MGAT4C: variants seen among roughly 807,000 people sequenced by gnomAD.
MGAT4C encodes the protein alpha-1,3-mannosyl-glycoprotein 4-beta-N-acetylglucosaminyltransferase C.
Under a neutral mutation model 40.1 loss-of-function variants are expected in MGAT4C, and 19 were observed. The ratio of observed to expected loss-of-function variants is 0.47; its 90% CI spans 0.33 to 0.70. The LOEUF is 0.70. MGAT4C is among the 30% of genes least tolerant of loss of function. MGAT4C has a pLI of 0.02. For synonymous variants in MGAT4C, 181 were observed against 187.1 expected (o/e 0.97, Z 0.27); for missense variants, 491 against 563.2 (o/e 0.87, Z 1.30).
intron 1 of MGAT4C, among the ~76,000 whole-genome samples, chr12:86,768,537 CA>C (rs1448938753): frequency 6.6e-6 from 1 of 151,368 alleles, no homozygotes; most frequent in Non-Finnish European, 1.5e-5. Context: ...CATATGGAAC[CA>C]AAAAAGAGCC....
intron 2 of MGAT4C, among the ~76,000 whole-genome samples, chr12:86,712,045 T>C (rs921163967): frequency 4.6e-5 from 7 of 152,184 alleles, no homozygotes; most frequent in African/African-American, 1.2e-4. Flanking sequence ...GTTAGATAAG[T>C]ACCTGCATAT....
chr12:86,600,021 G>C (rs936541972), intron 2 of MGAT4C, among the ~76,000 whole-genome samples: 1 of 152,042 alleles, frequency 6.6e-6, no homozygotes, highest in Admixed American at 6.6e-5. Flanking sequence ...TTTCACAGGT[G>C]ACAAGTTCCA....
At chr12:86,588,104 C>G (rs1456277319) in intron 2 of MGAT4C, among the ~76,000 whole-genome samples, 1 of 151,580 alleles carries the variant, frequency 6.6e-6, no homozygotes, top group Non-Finnish European at 1.5e-5. Context: ...ACAGCTCTTA[C>G]TATTTTGAGA....
intron 2 of MGAT4C, among the ~76,000 whole-genome samples, chr12:86,556,941 G>A (rs1052977887): frequency 4.0e-4 from 61 of 151,828 alleles, no homozygotes; most frequent in African/African-American, 1.4e-3. Flanking sequence ...ATTTTTTTAA[G>A]AAGAAAGCTA....
chr12:86,112,749 ATAGT>A (rs894581663), intron 1 of MGAT4C, among the ~76,000 whole-genome samples: 20 of 151,922 alleles, frequency 1.3e-4, no homozygotes, highest in East Asian at 5.8e-4. Context: ...GTCCTCTGAA[ATAGT>A]TAGGAGGAAA....
intron 2 of MGAT4C, among the ~76,000 whole-genome samples, chr12:86,541,986 T>G (rs1236580098): frequency 1.3e-5 from 2 of 152,222 alleles, no homozygotes; most frequent in African/African-American, 2.4e-5. Context: ...AAAATTAATA[T>G]TCTTTAACAA....
At position 86,722,879 on chromosome 12, in the gene MGAT4C, A is replaced by G. The variant is rs554130538; in HGVS notation, c.-229+4330T>C. ...ACTGGGTCCTTACTAGTTGGTATAC[A>G]TAAAATTGTCTGATACATTTTAGTA... On this transcript the variant is annotated intron_variant, in intron 2 of 7. Coordinates refer to the MGAT4C transcript ENST00000548651. 2.2e-4 allele frequency among the ~76,000 whole-genome samples: 34 copies of G among 152,298 alleles called. No homozygotes were observed. The Middle Eastern group carries it at 0.01, about 46-fold the overall frequency.
chr12:86,132,619 C>T (rs948116311), intron 1 of MGAT4C, among the ~76,000 whole-genome samples: 1 of 151,988 alleles, frequency 6.6e-6, no homozygotes, highest in Non-Finnish European at 1.5e-5. Context: ...CGATGAAACC[C>T]CGTCTCTACT....
At chr12:86,415,199 C>A (rs1171142526) in intron 3 of MGAT4C, among the ~76,000 whole-genome samples, 1 of 151,952 alleles carries the variant, frequency 6.6e-6, no homozygotes, top group Non-Finnish European at 1.5e-5. Context: ...CTCTGTACAT[C>A]AGCAAACCTG....
chr12:86,472,565 ATTG>A (rs1957771293), intron 2 of MGAT4C, among the ~76,000 whole-genome samples: 1 of 152,106 alleles, frequency 6.6e-6, no homozygotes, highest in Non-Finnish European at 1.5e-5. Context: ...TATATATATT[ATTG>A]TTGTGTTATA....
At chr12:86,631,207 G>A (rs1030860206) in intron 2 of MGAT4C, among the ~76,000 whole-genome samples, 6 of 152,034 alleles carry the variant, frequency 3.9e-5, no homozygotes, top group African/African-American at 7.2e-5. Flanking sequence ...AGGATGTGAA[G>A]GACCTCTTCA....
chr12:86,205,783 A>G (rs1325483446), intron 1 of MGAT4C, among the ~76,000 whole-genome samples: 4 of 152,026 alleles, frequency 2.6e-5, no homozygotes, highest in East Asian at 1.9e-4. Context: ...TCAGACTTCC[A>G]TAAGAATCAG....
At chr12:86,371,947 C>T (rs555883891) in intron 3 of MGAT4C, among the ~76,000 whole-genome samples, 316 of 151,784 alleles carry the variant, frequency 2.1e-3, no homozygotes, top group African/African-American at 6.6e-3. Context: ...CTGGAGGATA[C>T]TTCTACATTT....
At chr12:86,744,688 C>T (rs958996137) in intron 1 of MGAT4C, among the ~76,000 whole-genome samples, 1 of 151,404 alleles carries the variant, frequency 6.6e-6, no homozygotes, top group African/African-American at 2.4e-5. Flanking sequence ...AAATCCAGGA[C>T]ATTCTTAGCA....
chr12:85,992,212 C>T (rs933625683), intron 2 of MGAT4C, among the ~76,000 whole-genome samples: 2 of 152,210 alleles, frequency 1.3e-5, no homozygotes, highest in African/African-American at 2.4e-5. Flanking sequence ...GCTACCAGGA[C>T]TTAAGACATG....
rs1353996849 is a variant in MGAT4C, at chr12:86,740,828, A to T, written c.-261-13587T>A. ...TGAATGCACACAGTTCTTTAGTAAA[A>T]ATTATTGCATCCACTTTTTAAAAAG... On this transcript the variant is annotated intron_variant, in intron 1 of 7. Coordinates refer to the MGAT4C transcript ENST00000548651. Among the ~76,000 whole-genome samples, 8 of 151,342 alleles carry T rather than the reference A, an allele frequency of 5.3e-5. No homozygotes were observed. In the East Asian group the frequency reaches 1.4e-3, roughly 26 times the overall value.
intron 2 of MGAT4C, among the ~76,000 whole-genome samples, chr12:86,443,287 T>A (rs748297039): frequency 6.6e-6 from 1 of 152,060 alleles, no homozygotes. Context: ...ATTACACAGG[T>A]TTCTCAAACA....
At chr12:86,583,228 G>T (rs1960867075) in intron 2 of MGAT4C, among the ~76,000 whole-genome samples, 1 of 151,146 alleles carries the variant, frequency 6.6e-6, no homozygotes, top group Middle Eastern at 3.2e-3. Flanking sequence ...AGAAAACAAA[G>T]TAAAAGACCC....
intron 3 of MGAT4C, among the ~76,000 whole-genome samples, chr12:86,339,630 C>T (rs1463850110): frequency 6.6e-6 from 1 of 152,104 alleles, no homozygotes; most frequent in Non-Finnish European, 1.5e-5. Context: ...TTCTGAGAAA[C>T]TTCCATACAC....
Sources: gnomAD v4.1 joint callset for allele counts (sites outside exome capture counted in the v4.1 genomes callset) on GRCh38, gnomAD v4.1.1 for gene constraint, MANE v1.5 for transcripts, NCBI Gene and HGNC (gene_info 2026-07-23, HGNC 2026-07-21) for gene names.